STXBP5L: variants seen among roughly 807,000 people sequenced by gnomAD.
STXBP5L encodes the protein syntaxin-binding protein 5-like.
A neutral mutation model predicts 144.5 loss-of-function variants in STXBP5L; 65 were observed. The observed-to-expected ratio is 0.45, with a 90% CI of 0.37 to 0.55. The LOEUF (loss-of-function observed/expected upper bound fraction) is 0.55, where lower values mean the gene tolerates loss of function less well. Ranked by LOEUF, STXBP5L falls within the 20% of genes least tolerant of loss-of-function variation. The pLI is 0.00. For synonymous variants in STXBP5L, 505 were observed against 469.6 expected (o/e 1.08, Z -0.97); for missense variants, 1,298 against 1,405.5 (o/e 0.92, Z 1.22).
rs772428540 is a variant in STXBP5L, at chr3:121,419,445, AT to A, written c.*349del. ...GCATTAATGCACTTAATGAAAAAAA[AT>A]CTTTGCATGATAAATTAACATCTTA... On this transcript the variant is annotated 3_prime_UTR_variant, in exon 27 of 27. Coordinates refer to ENST00000471454, the MANE Select transcript of STXBP5L (RefSeq NM_001308330.2). 9.5e-5 allele frequency: 17 copies of A among 179,068 alleles called. No individual in the cohort carries two copies. Among genetic ancestry groups the A allele is most frequent in the Non-Finnish European group, 1.7e-4 (15 of 86,270 alleles). 11.1% of individuals were successfully genotyped at this position (179,068 alleles called of 1,614,324 possible). A position where few individuals can be genotyped will look rare whatever the true frequency, so the allele number is the denominator to read the frequency against.
intron 22 of STXBP5L, among the ~76,000 whole-genome samples, chr3:121,405,048 GGAGA>G (rs1018722061): frequency 6.6e-6 from 1 of 151,198 alleles, no homozygotes; most frequent in East Asian, 1.9e-4. Flanking sequence ...ATAGGGAGGG[GGAGA>G]GAGAGAGAGA....
chr3:121,202,297 A>G (rs2048169730), intron 9 of STXBP5L, among the ~76,000 whole-genome samples: 2 of 152,168 alleles, frequency 1.3e-5, no homozygotes, highest in Admixed American at 1.3e-4. Flanking sequence ...ACCAACTGGT[A>G]TCTTTTCCTT....
chr3:121,305,067 A>T (rs947257878), intron 19 of STXBP5L, among the ~76,000 whole-genome samples: 2 of 152,168 alleles, frequency 1.3e-5, no homozygotes, highest in Non-Finnish European at 2.9e-5. Flanking sequence ...GACAATTTAG[A>T]TGAAATTAAG....
At chr3:120,989,012 C>T (rs567424778) in intron 3 of STXBP5L, among the ~76,000 whole-genome samples, 7 of 151,936 alleles carry the variant, frequency 4.6e-5, no homozygotes, top group East Asian at 1.9e-4. Context: ...TTTTTAAGGC[C>T]GAATAATATT....
At chr3:120,946,637 A>G (rs1710873407) in intron 2 of STXBP5L, among the ~76,000 whole-genome samples, 3 of 151,712 alleles carry the variant, frequency 2.0e-5, no homozygotes, top group Non-Finnish European at 4.4e-5. Context: ...ATTTTGCCAC[A>G]TTATGACAGT....
chr3:121,289,076 G>A (rs183486617), intron 19 of STXBP5L, among the ~76,000 whole-genome samples: 1 of 152,188 alleles, frequency 6.6e-6, no homozygotes, highest in African/African-American at 2.4e-5. Context: ...ACAACATGCA[G>A]TTCACCAGCC....
intron 20 of STXBP5L, among the ~76,000 whole-genome samples, chr3:121,347,940 A>G (rs1348170769): frequency 2.0e-5 from 3 of 152,084 alleles, no homozygotes; most frequent in Non-Finnish European, 4.4e-5. Context: ...CGAATTGAAT[A>G]CCCTTTATTT....
intron 20 of STXBP5L, among the ~76,000 whole-genome samples, chr3:121,373,001 G>A (rs941259833): frequency 2.8e-4 from 42 of 152,274 alleles, no homozygotes; most frequent in African/African-American, 7.9e-4. Flanking sequence ...AGAACATGAC[G>A]TTGCTTAATA....
chr3:120,935,213 C>G (rs2107633250), intron 2 of STXBP5L, among the ~76,000 whole-genome samples: 1 of 151,654 alleles, frequency 6.6e-6, no homozygotes, highest in East Asian at 1.9e-4. Flanking sequence ...TATATATTCA[C>G]AACTAATCCA....
intron 3 of STXBP5L, among the ~76,000 whole-genome samples, chr3:120,960,452 A>T (rs1215531215): frequency 1.3e-5 from 2 of 152,236 alleles, no homozygotes; most frequent in Non-Finnish European, 1.5e-5. Flanking sequence ...ATAAAAACAC[A>T]TGCACACGTA....
At chr3:121,283,407 C>T (rs2051125676) in intron 19 of STXBP5L, among the ~76,000 whole-genome samples, 1 of 152,008 alleles carries the variant, frequency 6.6e-6, no homozygotes, top group Admixed American at 6.6e-5. Context: ...TAGCAGAGCA[C>T]CCCCTTTTAG....
intron 2 of STXBP5L, among the ~76,000 whole-genome samples, chr3:120,946,440 A>G (rs578121793): frequency 6.6e-6 from 1 of 151,872 alleles, no homozygotes; most frequent in South Asian, 2.1e-4. Flanking sequence ...ACCATTAAGA[A>G]TATATTATAT....
intron 3 of STXBP5L, among the ~76,000 whole-genome samples, chr3:121,014,849 A>T (rs1195718283): frequency 6.6e-6 from 1 of 152,110 alleles, no homozygotes; most frequent in African/African-American, 2.4e-5. Context: ...AGAAACAAAT[A>T]TTTAATAATT....
intron 3 of STXBP5L, among the ~76,000 whole-genome samples, chr3:121,029,468 G>T (rs969128676): frequency 1.3e-5 from 2 of 152,088 alleles, no homozygotes; most frequent in South Asian, 2.1e-4. Flanking sequence ...TGGGAAAACT[G>T]GCTAGCCATA....
chr3:121,295,607 G>A (rs375163705), intron 19 of STXBP5L, among the ~76,000 whole-genome samples: 13 of 152,174 alleles, frequency 8.5e-5, no homozygotes, highest in Middle Eastern at 3.4e-3. Context: ...TTTTCTTGAC[G>A]TTAGTTAATA....
chr3:121,203,077 T>C (rs1487796037), intron 9 of STXBP5L, among the ~76,000 whole-genome samples: 1 of 151,966 alleles, frequency 6.6e-6, no homozygotes, highest in African/African-American at 2.4e-5. Context: ...TTCTGTTTTT[T>C]TTTTCTGTGC....
chr3:121,173,378 A>C (rs543504626), intron 9 of STXBP5L, among the ~76,000 whole-genome samples: 1 of 150,540 alleles, frequency 6.6e-6, no homozygotes, highest in South Asian at 2.1e-4. Flanking sequence ...CTCTCACTTC[A>C]GTAACAACAA....
intron 3 of STXBP5L, among the ~76,000 whole-genome samples, chr3:120,989,041 C>T (rs1246488615): frequency 6.6e-6 from 1 of 152,036 alleles, no homozygotes; most frequent in Non-Finnish European, 1.5e-5. Flanking sequence ...TATATATACA[C>T]CACACTTTAT....
At chr3:121,112,933 G>A (rs1414961857) in intron 5 of STXBP5L, among the ~76,000 whole-genome samples, 1 of 151,994 alleles carries the variant, frequency 6.6e-6, no homozygotes, top group African/African-American at 2.4e-5. Flanking sequence ...CTTTATCTAT[G>A]GCAATCATTC....
Sources: gnomAD v4.1 joint callset for allele counts (sites outside exome capture counted in the v4.1 genomes callset) on GRCh38, gnomAD v4.1.1 for gene constraint, MANE v1.5 for transcripts, NCBI Gene and HGNC (gene_info 2026-07-23, HGNC 2026-07-21) for gene names.